PDCD10: variants seen among roughly 807,000 people sequenced by gnomAD.
PDCD10 encodes the protein programmed cell death 10.
Under a neutral mutation model 29.2 loss-of-function variants are expected in PDCD10, and 4 were observed. The ratio of observed to expected loss-of-function variants is 0.14; its 90% CI spans 0.07 to 0.31. The LOEUF (loss-of-function observed/expected upper bound fraction) is 0.31. Ranked by LOEUF, PDCD10 falls within the 10% of genes least tolerant of loss-of-function variation. The pLI is 1.00. For missense variants in PDCD10, 183 were observed against 257.9 expected (o/e 0.71, Z 1.99); for synonymous variants, 70 against 82.2 (o/e 0.85, Z 0.80).
intron 5 of PDCD10, 73 bp from the exon 6 acceptor site, chr3:167,695,795 A>G (rs2108404516): frequency 4.0e-6 from 6 of 1,504,662 alleles, no homozygotes; most frequent in Admixed American, 3.3e-5. Flanking sequence ...AGAATTTCCA[A>G]TGTTGGTCAA....
At chr3:167,708,687 T>G (rs1488204981) in intron 3 of PDCD10, among the ~76,000 whole-genome samples, 1 of 152,174 alleles carries the variant, frequency 6.6e-6, no homozygotes. Flanking sequence ...AGAGAAAGAT[T>G]TGTCCATGTG....
chr3:167,687,238 C>G lies in PDCD10; in HGVS notation c.553G>C (p.Gly185Arg). The change falls in exon 8 of 9, where the codon GGC becomes CGC. Residue 185 changes from glycine to arginine, a missense_variant. Gly to Arg is a moderately radical substitution (Grantham distance 125). Transcript: ENST00000392750. ...AGGATAAATTACAGTACTTACTTGC[C>G]ATCTTTAAAATACGTTTTCAGAGTA... is the stretch of plus-strand genomic sequence containing the variant. The part of the protein sequence containing the change: ...SDTLKTYFKD[G>R]KAINVFVSAN... 6.8e-7 allele frequency: 1 copy of G among 1,460,556 alleles called. No homozygotes were observed. The highest frequency in any genetic ancestry group is 2.3e-5 in the East Asian group (1 of 44,038). 90.5% of individuals were successfully genotyped at this position (1,460,556 alleles called of 1,614,324 possible).
chr3:167,726,114 G>GTTTTTT (rs751342370), intron 2 of PDCD10, among the ~76,000 whole-genome samples: 10 of 85,768 alleles, frequency 1.2e-4, no homozygotes, highest in East Asian at 3.4e-4. Context: ...GTAGAGTACT[G>GTTTTTT]TTTTTTTTTT....
intron 6 of PDCD10, among the ~76,000 whole-genome samples, chr3:167,689,481 G>C (rs1054318575): frequency 3.9e-5 from 6 of 152,144 alleles, no homozygotes; most frequent in Non-Finnish European, 8.8e-5. Context: ...TCCGGGGCTA[G>C]TCATCAAAAT....
chr3:167,714,627 A>G (rs768034874), intron 3 of PDCD10, among the ~76,000 whole-genome samples: 4 of 152,014 alleles, frequency 2.6e-5, no homozygotes, highest in African/African-American at 9.7e-5. Context: ...AAAAATCAGC[A>G]GCATTTCTAT....
intron 8 of PDCD10, among the ~76,000 whole-genome samples, chr3:167,685,767 TATTTGAGCTTAGCATAAATCAAATAAAA>T (rs1719552955): frequency 6.6e-6 from 1 of 152,232 alleles, no homozygotes; most frequent in Admixed American, 6.5e-5. Flanking sequence ...TGTTTTTGGT[TATTTGAGCTTAGCATAAATCAAATAAAA>T]GTTTATTTTC....
In PDCD10 at chr3:167,693,613, A is replaced by C. The variant is rs7652682; in HGVS notation, c.395+1983T>G. Among the ~76,000 whole-genome samples the C allele has an allele frequency of 8.3e-3, 1,263 of 152,286 alleles. 15 individuals are homozygous for C. The highest frequency in any genetic ancestry group is 0.029 in the African/African-American group (1,203 of 41,552). On this transcript the variant is annotated intron_variant, in intron 6 of 8. Coordinates refer to ENST00000392750, the MANE Select transcript of PDCD10 (RefSeq NM_007217.4). ...CCAGGCTCAAGGAGTGGTTTGCCCA[A>C]GGAAACAATTCCACTAAAAAACAAC... is the stretch of plus-strand genomic sequence containing the variant.
intron 3 of PDCD10, among the ~76,000 whole-genome samples, chr3:167,713,465 A>T (rs890071101): frequency 6.6e-6 from 1 of 151,924 alleles, no homozygotes; most frequent in African/African-American, 2.4e-5. Flanking sequence ...TTAAGTGCCT[A>T]CATCAAAAGA....
intron 2 of PDCD10, among the ~76,000 whole-genome samples, chr3:167,728,994 T>C (rs1724510726): frequency 6.6e-6 from 1 of 152,028 alleles, no homozygotes; most frequent in Admixed American, 6.6e-5. Context: ...AAAAATAACT[T>C]CACTAAAAAT....
intron 3 of PDCD10, among the ~76,000 whole-genome samples, chr3:167,710,011 A>T (rs1008852507): frequency 6.6e-6 from 1 of 152,136 alleles, no homozygotes; most frequent in Non-Finnish European, 1.5e-5. Flanking sequence ...CCCTGAAGGG[A>T]AGGATCCAAT....
chr3:167,720,296 C>A (rs1162237230), intron 2 of PDCD10, 23 bp from the exon 3 acceptor site: 3 of 660,698 alleles, frequency 4.5e-6, no homozygotes, highest in East Asian at 5.5e-5. Context: ...GAAGAAAGAA[C>A]AGAGACTTAC....
chr3:167,684,425 C>T (rs750621150), intron 8 of PDCD10, 36 bp from the exon 9 acceptor site: 11 of 1,243,908 alleles, frequency 8.8e-6, no homozygotes, highest in Non-Finnish European at 1.3e-5. Context: ...TTAATTTCAT[C>T]CAAAAAATTC....
In PDCD10 at chr3:167,684,656, A is replaced by C. The variant is rs7640968; in HGVS notation, c.558-267T>G. ...TGCCTCAACAACCCAGTTCATTTATAGGTGGAACAAGTTAACTGGCCAAAA... is the reference window on the plus strand; with the variant it reads ...TGCCTCAACAACCCAGTTCATTTATCGGTGGAACAAGTTAACTGGCCAAAA... On this transcript the variant is annotated intron_variant, in intron 8 of 8. Coordinates refer to ENST00000392750, the MANE Select transcript of PDCD10 (RefSeq NM_007217.4). Among the ~76,000 whole-genome samples, 34,810 of 152,014 alleles carry C rather than the reference A, an allele frequency of 0.23. 4,198 individuals are homozygous for C. Among genetic ancestry groups the C allele is most frequent in the Non-Finnish European group, 0.26 (17,634 of 67,954 alleles).
chr3:167,701,543 C>A (rs1053533651), intron 4 of PDCD10, among the ~76,000 whole-genome samples: 6 of 152,102 alleles, frequency 3.9e-5, no homozygotes, highest in African/African-American at 1.4e-4. Flanking sequence ...TGGATAATGT[C>A]CCTTGCTTCC....
chr3:167,700,336 A>C (rs1721265470), intron 4 of PDCD10, among the ~76,000 whole-genome samples: 1 of 152,172 alleles, frequency 6.6e-6, no homozygotes, highest in South Asian at 2.1e-4. Context: ...GTTTAGTGCA[A>C]TACTTTAAAC....
rs538152082 is a variant in PDCD10 at position 167,724,464 on chromosome 3, T to G, written c.-116-4191A>C. Among the ~76,000 whole-genome samples, 5 of 152,320 alleles carry G rather than the reference T, an allele frequency of 3.3e-5. No homozygotes were observed. In the South Asian group the frequency reaches 1.0e-3, roughly 32 times the overall value. ...TGCATGAACATTCAGTTAAGAGAAG[T>G]GTGTTCATTCTAGCAGTGAGCAGAA... On this transcript the variant is annotated intron_variant, in intron 2 of 8. Coordinates refer to ENST00000392750, the MANE Select transcript of PDCD10 (RefSeq NM_007217.4).
At chr3:167,713,623 G>A (rs1042458284) in intron 3 of PDCD10, among the ~76,000 whole-genome samples, 6 of 151,690 alleles carry the variant, frequency 4.0e-5, no homozygotes, top group African/African-American at 1.5e-4. Flanking sequence ...ACAAAAACTT[G>A]GTTTTTTGAA....
At chr3:167,710,649 T>C (rs1488049153) in intron 3 of PDCD10, among the ~76,000 whole-genome samples, 1 of 152,186 alleles carries the variant, frequency 6.6e-6, no homozygotes, top group African/African-American at 2.4e-5. Context: ...GGGAAGGACA[T>C]AAATGTGGCT....
intron 3 of PDCD10, among the ~76,000 whole-genome samples, chr3:167,715,727 A>G (rs962675438): frequency 6.6e-6 from 1 of 151,932 alleles, no homozygotes; most frequent in African/African-American, 2.4e-5. Context: ...CCTCATCCCA[A>G]TTAAAATGGC....
Sources: allele counts gnomAD v4.1 joint callset (sites outside exome capture counted in the v4.1 genomes callset), GRCh38; gene constraint gnomAD v4.1.1; transcripts MANE v1.5; gene names NCBI Gene and HGNC (gene_info 2026-07-23, HGNC 2026-07-21).